CSPP1: variants seen among roughly 807,000 people sequenced by gnomAD.
The protein encoded by CSPP1 is centrosome and spindle pole-associated protein 1.
In CSPP1, 126 loss-of-function variants were observed where a neutral mutation model predicts 164.4. That is an observed-to-expected ratio of 0.77 (90% confidence interval 0.66 to 0.89). CSPP1 has a LOEUF of 0.89. Among genes scored for constraint, CSPP1 ranks in the 40% least tolerant of loss-of-function variants. The pLI is 0.00. For missense variants in CSPP1, 1,395 were observed against 1,449.8 expected (o/e 0.96, Z 0.61); for synonymous variants, 472 against 476.7 (o/e 0.99, Z 0.13).
At chr8:67,115,836 TAGG>T (rs1817824784) in intron 12 of CSPP1, 75 bp from the exon 13 acceptor site, 1 of 985,494 alleles carries the variant, frequency 1.0e-6, no homozygotes, top group Non-Finnish European at 1.6e-6. Flanking sequence ...CCTGCTGGGA[TAGG>T]AGGTCTTTTG....
intron 3 of CSPP1, among the ~76,000 whole-genome samples, chr8:67,078,254 CAA>C (rs370993306): frequency 3.9e-5 from 6 of 152,130 alleles, no homozygotes; most frequent in African/African-American, 9.7e-5. Flanking sequence ...ACATCTATCT[CAA>C]AAAGTCGTTA....
chr8:67,164,464 A>G lies in CSPP1; in HGVS notation c.2784A>G (p.Gln928=), dbSNP rs754377738. ...KQLRSEERRL[Q]ERLLHMDSDD... ...TTCGTAGTGAAGAGAGGCGTCTACA[A>G]GAGCGATTGCTACACATGGACAGTG... The change falls in exon 24 of 31, where the codon CAA becomes CAG. Residue 928 remains glutamine, a synonymous_variant. Transcript: ENST00000678616. The G allele has an allele frequency of 3.6e-5, 58 of 1,601,904 alleles. No homozygotes were observed. The South Asian group carries it at 5.7e-4, about 16-fold the overall frequency.
At chr8:67,193,696 G>A in intron 30 of CSPP1, 94 bp downstream of exon 30, 1 of 1,148,814 alleles carries the variant, frequency 8.7e-7, no homozygotes, top group Non-Finnish European at 1.2e-6. Context: ...AGGGATAGAT[G>A]GAATGAGTTT....
intron 28 of CSPP1, among the ~76,000 whole-genome samples, chr8:67,185,059 C>T (rs902871271): frequency 8.0e-4 from 120 of 149,342 alleles, no homozygotes; most frequent in African/African-American, 2.8e-3. Context: ...GAGCTGAGAT[C>T]GCACCACTGC....
At chr8:67,156,169 T>C (rs1319641470) in intron 19 of CSPP1, among the ~76,000 whole-genome samples, 2 of 152,176 alleles carry the variant, frequency 1.3e-5, no homozygotes, top group African/African-American at 2.4e-5. Context: ...CTTTTACATA[T>C]AGTGTCTCAT....
intron 4 of CSPP1, among the ~76,000 whole-genome samples, chr8:67,088,261 A>T (rs1464616105): frequency 1.3e-5 from 2 of 152,058 alleles, no homozygotes; most frequent in Admixed American, 1.3e-4. Flanking sequence ...AAGGGATGTG[A>T]AGGAGTTTTT....
chr8:67,085,789 A>C (rs890820424), intron 3 of CSPP1, among the ~76,000 whole-genome samples: 2 of 152,134 alleles, frequency 1.3e-5, no homozygotes, highest in African/African-American at 4.8e-5. Context: ...ACAGGAGAAC[A>C]GGGTGGCTAG....
chr8:67,168,115 C>T (rs961610287), intron 24 of CSPP1, among the ~76,000 whole-genome samples: 4 of 151,896 alleles, frequency 2.6e-5, no homozygotes, highest in African/African-American at 4.8e-5. Context: ...GCCAACACAG[C>T]GAAACCCCGT....
chr8:67,084,885 A>G (rs1362558542), intron 3 of CSPP1, among the ~76,000 whole-genome samples: 2 of 152,188 alleles, frequency 1.3e-5, no homozygotes, highest in African/African-American at 4.8e-5. Context: ...TTCTTGACAT[A>G]GTATTTTATT....
At chr8:67,171,088 T>C (rs1830375685) in intron 24 of CSPP1, among the ~76,000 whole-genome samples, 1 of 130,530 alleles carries the variant, frequency 7.7e-6, no homozygotes, top group Non-Finnish European at 1.6e-5. Context: ...GCCCGGCCAA[T>C]TTTTTTTTTT....
At chr8:67,189,910 G>T (rs1444120212) in intron 28 of CSPP1, among the ~76,000 whole-genome samples, 4 of 152,142 alleles carry the variant, frequency 2.6e-5, no homozygotes, top group Non-Finnish European at 2.9e-5. Flanking sequence ...TGTCAAATTA[G>T]CTACCGATCC....
At chr8:67,171,466 G>A (rs751180478) in intron 24 of CSPP1, among the ~76,000 whole-genome samples, 1 of 152,026 alleles carries the variant, frequency 6.6e-6, no homozygotes, top group Non-Finnish European at 1.5e-5. Context: ...ACAGCTTATT[G>A]TAGCCTTGGC....
At chr8:67,164,338 G>A in intron 23 of CSPP1, 53 bp from the exon 24 acceptor site, 1 of 836,202 alleles carries the variant, frequency 1.2e-6, no homozygotes, top group Middle Eastern at 2.3e-4. Context: ...TTAATGTTTA[G>A]TCTTTTGTTC....
intron 23 of CSPP1, 111 bp downstream of exon 23, chr8:67,163,909 T>G: frequency 3.9e-6 from 3 of 778,460 alleles, no homozygotes; most frequent in Non-Finnish European, 6.2e-6. Context: ...AGCGGTTAGG[T>G]GCTGTGTACC....
rs764145741 is a variant in CSPP1 at position 67,132,053 on chromosome 8, G to A, written c.1800G>A (p.Gln600=). Residue 600 remains glutamine, a synonymous_variant, in exon 16 of 31, where the codon CAG becomes CAA. Coordinates refer to ENST00000678616, the MANE Select transcript of CSPP1 (RefSeq NM_001382391.1). ...CGAAACCTTCCAAACAGTCACTTCA[G>A]TCTTACCAAGAGGCTTTGCAGCAGC... ...DKPKPSKQSL[Q]SYQEALQQQI... is the part of the protein sequence containing the mutation. 2 of 1,613,540 alleles carry A rather than the reference G, an allele frequency of 1.2e-6. No individual in the cohort carries two copies. Among genetic ancestry groups the A allele is most frequent in the South Asian group, 2.2e-5 (2 of 90,958 alleles).
At chr8:67,136,568 CAAAAAAAAAAAAAAAAAA>C (rs35184133) in intron 16 of CSPP1, among the ~76,000 whole-genome samples, 1 of 27,686 alleles carries the variant, frequency 3.6e-5, no homozygotes, top group Non-Finnish European at 9.5e-5. Flanking sequence ...GACTCCGTCT[CAAAAAAAAAAAAAAAAAA>C]AAAAAAAAAT....
chr8:67,130,314 GA>G (rs1340493866), intron 15 of CSPP1, among the ~76,000 whole-genome samples: 1 of 152,222 alleles, frequency 6.6e-6, no homozygotes, highest in Non-Finnish European at 1.5e-5. Context: ...TAAAGGTTAA[GA>G]ATTTGGGTCT....
intron 16 of CSPP1, among the ~76,000 whole-genome samples, chr8:67,133,121 T>G (rs192975778): frequency 6.6e-6 from 1 of 152,318 alleles, no homozygotes; most frequent in Admixed American, 6.5e-5. Context: ...AAAACTAGAT[T>G]TTTCAACTCT....
chr8:67,186,418 TAAA>T (rs60962928), intron 28 of CSPP1, among the ~76,000 whole-genome samples: 12,506 of 140,446 alleles, frequency 0.089, 1,092 homozygotes, highest in African/African-American at 0.23. Context: ...TGTTTTAAAT[TAAA>T]AAAAAAAAAA....
Sources: allele counts gnomAD v4.1 joint callset (sites outside exome capture counted in the v4.1 genomes callset), GRCh38; gene constraint gnomAD v4.1.1; transcripts MANE v1.5; gene names NCBI Gene and HGNC (gene_info 2026-07-23, HGNC 2026-07-21).